Variants in GRIP1 observed in about 807,000 individuals in gnomAD.
GRIP1 encodes the protein glutamate receptor-interacting protein 1.
GRIP1 carries 45 observed loss-of-function variants against 129.9 expected under a neutral mutation model. That is an observed-to-expected ratio of 0.35 (90% CI 0.27 to 0.44). The LOEUF (loss-of-function observed/expected upper bound fraction) is 0.44. Among genes scored for constraint, GRIP1 ranks in the 20% least tolerant of loss-of-function variants. GRIP1 has a pLI of 1.00. For missense variants in GRIP1, 1,196 were observed against 1,396.8 expected, an observed-to-expected ratio of 0.86 and a Z score of 2.29; for synonymous variants, 530 against 520.8, an observed-to-expected ratio of 1.02 and a Z score of -0.24.
intron 10 of GRIP1, among the ~76,000 whole-genome samples, chr12:66,455,842 ACAACT>A (rs1213920626): frequency 4.6e-5 from 7 of 152,256 alleles, no homozygotes. Flanking sequence ...TTGTCCATGA[ACAACT>A]CAATGCATCA....
At chr12:66,918,829 T>C (rs2041168446) in intron 1 of GRIP1, among the ~76,000 whole-genome samples, 1 of 152,186 alleles carries the variant, frequency 6.6e-6, no homozygotes, top group Admixed American at 6.5e-5. Flanking sequence ...AAGAATATCA[T>C]TAATTCTACA....
At chr12:66,425,823 G>C (rs980024936) in intron 14 of GRIP1, among the ~76,000 whole-genome samples, 1 of 152,042 alleles carries the variant, frequency 6.6e-6, no homozygotes, top group Non-Finnish European at 1.5e-5. Flanking sequence ...GGACAGTTGT[G>C]GGGTGGGGGA....
chr12:66,489,999 A>G (rs2060062487), intron 7 of GRIP1, among the ~76,000 whole-genome samples: 1 of 152,182 alleles, frequency 6.6e-6, no homozygotes. Context: ...CAAATGAAAA[A>G]ACATTCCATG....
At chr12:66,735,966 T>C (rs1289262943) in intron 1 of GRIP1, among the ~76,000 whole-genome samples, 1 of 151,916 alleles carries the variant, frequency 6.6e-6, no homozygotes, top group Non-Finnish European at 1.5e-5. Flanking sequence ...AGAAGAGGGA[T>C]CTTGAGACAC....
At chr12:67,032,260 T>C (rs997275256) in intron 1 of GRIP1, among the ~76,000 whole-genome samples, 8 of 152,226 alleles carry the variant, frequency 5.3e-5, no homozygotes, top group Non-Finnish European at 1.0e-4. Flanking sequence ...TCAATATTTG[T>C]ATATGTTTGT....
chr12:66,802,210 A>G (rs1316893672), intron 1 of GRIP1, among the ~76,000 whole-genome samples: 2 of 152,152 alleles, frequency 1.3e-5, no homozygotes, highest in Non-Finnish European at 2.9e-5. Context: ...ACTCTGACAC[A>G]TTCTGTTTAT....
intron 1 of GRIP1, among the ~76,000 whole-genome samples, chr12:66,707,768 G>T (rs940102284): frequency 2.0e-5 from 3 of 151,822 alleles, no homozygotes; most frequent in Non-Finnish European, 4.4e-5. Flanking sequence ...GTAATGCTGC[G>T]TACTGAAAAC....
At chr12:66,874,398 A>AT (rs960721624) in intron 1 of GRIP1, among the ~76,000 whole-genome samples, 40 of 150,010 alleles carry the variant, frequency 2.7e-4, no homozygotes, top group African/African-American at 6.6e-4. Flanking sequence ...CAGGTTTTAG[A>AT]TTTTTTTTTT....
At chr12:66,855,766 G>T (rs2039992061) in intron 1 of GRIP1, among the ~76,000 whole-genome samples, 1 of 151,924 alleles carries the variant, frequency 6.6e-6, no homozygotes, top group Admixed American at 6.6e-5. Flanking sequence ...GAACTACCTA[G>T]ATTCTGCCAC....
chr12:66,491,621 T>C (rs1288346062), intron 7 of GRIP1, among the ~76,000 whole-genome samples: 1 of 151,984 alleles, frequency 6.6e-6, no homozygotes, highest in Non-Finnish European at 1.5e-5. Flanking sequence ...CCCCTGAACT[T>C]AAGAGTTGAA....
At chr12:67,049,115 G>A (rs2043300673) in intron 1 of GRIP1, among the ~76,000 whole-genome samples, 1 of 152,090 alleles carries the variant, frequency 6.6e-6, no homozygotes, top group Admixed American at 6.6e-5. Flanking sequence ...ACAAGCCATT[G>A]CACTCAGAAC....
At chr12:66,596,284 T>C (rs1170698836) in intron 2 of GRIP1, among the ~76,000 whole-genome samples, 1 of 152,172 alleles carries the variant, frequency 6.6e-6, no homozygotes, top group East Asian at 1.9e-4. Context: ...GGTAAAGACA[T>C]TTAAAGATAT....
chr12:66,525,764 T>C (rs1368078337), intron 5 of GRIP1, among the ~76,000 whole-genome samples: 1 of 152,188 alleles, frequency 6.6e-6, no homozygotes, highest in East Asian at 1.9e-4. Flanking sequence ...GATGATGTGA[T>C]TGTATATCTA....
intron 7 of GRIP1, among the ~76,000 whole-genome samples, chr12:66,508,508 G>A (rs562950344): frequency 1.1e-3 from 169 of 152,194 alleles, no homozygotes; most frequent in Non-Finnish European, 2.0e-3. Flanking sequence ...CTCTCAAAAG[G>A]AAAAATGAGA....
rs538293976 is a variant in GRIP1, at chr12:66,495,133, T to C, written c.724+20486A>G. Among the ~76,000 whole-genome samples the C allele has an allele frequency of 3.0e-4, 45 of 151,732 alleles. 1 individual carries two copies. Among genetic ancestry groups the C allele is most frequent in the African/African-American group, 1.0e-3 (43 of 41,026 alleles). On this transcript the variant is annotated intron_variant, in intron 7 of 24. Transcript: ENST00000359742. ...TAAGGATGCCATCTATGATGCTTAA[T>C]TAGTTTTCCAGTTGATGTGAAAAAT...
chr12:66,987,518 G>C (rs2042329651), intron 1 of GRIP1, among the ~76,000 whole-genome samples: 1 of 152,286 alleles, frequency 6.6e-6, no homozygotes, highest in East Asian at 1.9e-4. Flanking sequence ...CAAGAGTGCA[G>C]AGTAGTGTCT....
At chr12:66,810,561 G>C (rs2039083577) in intron 1 of GRIP1, among the ~76,000 whole-genome samples, 1 of 148,068 alleles carries the variant, frequency 6.8e-6, no homozygotes, top group African/African-American at 2.5e-5. Context: ...CTGTGTCAAG[G>C]AAAAAAAAGA....
At chr12:66,788,564 A>AC (rs61620913) in intron 1 of GRIP1, among the ~76,000 whole-genome samples, 2 of 151,832 alleles carry the variant, frequency 1.3e-5, no homozygotes, top group African/African-American at 2.4e-5. Context: ...AAAAAAAAAA[A>AC]CTGTGTTTTT....
At chr12:66,906,724 G>C (rs1233465890) in intron 1 of GRIP1, among the ~76,000 whole-genome samples, 1 of 152,066 alleles carries the variant, frequency 6.6e-6, no homozygotes, top group East Asian at 1.9e-4. Context: ...AAATTACTTT[G>C]GTGTTTATTG....
Sources: allele counts gnomAD v4.1 joint callset (sites outside exome capture counted in the v4.1 genomes callset), GRCh38; gene constraint gnomAD v4.1.1; transcripts MANE v1.5; gene names NCBI Gene and HGNC (gene_info 2026-07-23, HGNC 2026-07-21).